Variants in CREB5 observed in about 807,000 individuals in gnomAD.
The protein encoded by CREB5 is cAMP responsive element binding protein 5.
Under a neutral mutation model 57.1 loss-of-function variants are expected in CREB5, and 19 were observed. The ratio of observed to expected loss-of-function variants is 0.33; its 90% confidence interval spans 0.23 to 0.49. The LOEUF is 0.49. CREB5 is among the 20% of genes least tolerant of loss of function. The pLI is 0.99. For missense variants in CREB5, 579 were observed against 671.6 expected (o/e 0.86, Z 1.52); for synonymous variants, 238 against 238.3 (o/e 1.00, Z 0.01).
At chr7:28,696,245 G>A (rs1801552417) in intron 5 of CREB5, among the ~76,000 whole-genome samples, 1 of 151,968 alleles carries the variant, frequency 6.6e-6, no homozygotes, top group Non-Finnish European at 1.5e-5. Flanking sequence ...TGATTGTTAA[G>A]TGCTTGGAAA....
intron 5 of CREB5, among the ~76,000 whole-genome samples, chr7:28,617,809 G>A (rs1583426442): frequency 6.6e-6 from 1 of 152,140 alleles, no homozygotes; most frequent in South Asian, 2.1e-4. Context: ...GAAATTCTAG[G>A]TTCAAGTTAA....
intron 4 of CREB5, among the ~76,000 whole-genome samples, chr7:28,532,180 A>G (rs905513718): frequency 6.6e-6 from 1 of 152,182 alleles, no homozygotes; most frequent in Non-Finnish European, 1.5e-5. Context: ...GGAGAGGTCC[A>G]CGTGGCCAGG....
intron 1 of CREB5, among the ~76,000 whole-genome samples, chr7:28,447,148 A>C (rs1789522270): frequency 6.6e-6 from 1 of 152,250 alleles, no homozygotes; most frequent in South Asian, 2.1e-4. Flanking sequence ...CAGGGCTTGC[A>C]GGGCACACCA....
chr7:28,744,505 G>A (rs1195408274), intron 7 of CREB5, among the ~76,000 whole-genome samples: 9 of 151,734 alleles, frequency 5.9e-5, no homozygotes, highest in African/African-American at 1.7e-4. Flanking sequence ...ACACCACCAC[G>A]CCCTGCTAAT....
rs1562664116 is a variant in CREB5, at chr7:28,819,284, C to T, written c.*5C>T. On this transcript the variant is annotated 3_prime_UTR_variant, in exon 11 of 11. Transcript: ENST00000357727. ...GACCTGAATCCGATTCTTTAAAATGCACCATCAGACCTGGCCTCCAAGAAG... is the reference window on the plus strand; with the variant it reads ...GACCTGAATCCGATTCTTTAAAATGTACCATCAGACCTGGCCTCCAAGAAG... The T allele has an allele frequency of 1.2e-6, 2 of 1,612,006 alleles. No homozygotes were observed. The highest frequency in any genetic ancestry group is 2.2e-5 in the East Asian group (1 of 44,874).
intron 1 of CREB5, among the ~76,000 whole-genome samples, chr7:28,447,441 G>A (rs1432655941): frequency 2.6e-5 from 4 of 152,286 alleles, no homozygotes; most frequent in African/African-American, 4.8e-5. Flanking sequence ...AGTGGGTGAC[G>A]GAATTTGGAC....
chr7:28,414,819 A>G lies in CREB5; in HGVS notation c.3+1902A>G, dbSNP rs562994304. 2.8e-4 allele frequency among the ~76,000 whole-genome samples: 43 copies of G among 152,246 alleles called. 1 individual carries two copies. The highest frequency in any genetic ancestry group is 3.4e-3 in the Middle Eastern group (1 of 294). On this transcript the variant is annotated intron_variant, in intron 1 of 10. Transcript: ENST00000357727. ...TTATAAAAAGAGAGAAGCCTTTTAG[A>G]AATTTCCAGATAGTGATAGCACTCT...
At chr7:28,323,234 G>A (rs888666201) in intron 1 of CREB5, among the ~76,000 whole-genome samples, 2 of 152,214 alleles carry the variant, frequency 1.3e-5, no homozygotes, top group Non-Finnish European at 2.9e-5. Flanking sequence ...CTTGGTTGGA[G>A]AAAAACCCAC....
chr7:28,570,384 C>A lies in CREB5; in HGVS notation c.311C>A (p.Ala104Glu). The change falls in exon 5 of 11, where the codon GCA becomes GAA. Residue 104 changes from alanine (A) to glutamate (E), a missense_variant. Transcript: ENST00000357727. ...GGGCAGAATATCTCGATGCATAATG[C>A]AGTTGGTGGGGCCATGACGGGGCCC... is the stretch of plus-strand genomic sequence containing the variant. ...SSKRNISMHN[A>E]VGGAMTGPGT... is the part of the protein sequence containing the mutation. 3 of 1,613,784 alleles carry A rather than the reference C, an allele frequency of 1.9e-6. 1 individual carries two copies. The South Asian group carries it at 3.3e-5, about 18-fold the overall frequency.
At chr7:28,661,281 G>A (rs1376888397) in intron 5 of CREB5, among the ~76,000 whole-genome samples, 1 of 152,094 alleles carries the variant, frequency 6.6e-6, no homozygotes, top group Non-Finnish European at 1.5e-5. Context: ...CCACTCTGCT[G>A]CCATAGCATT....
intron 4 of CREB5, among the ~76,000 whole-genome samples, chr7:28,556,479 A>G (rs1244451632): frequency 6.6e-6 from 1 of 151,884 alleles, no homozygotes; most frequent in African/African-American, 2.4e-5. Context: ...CCCAATCATG[A>G]TTTTTTAGGT....
chr7:28,804,093 A>T, intron 7 of CREB5, 106 bp from the exon 8 acceptor site: 3 of 995,438 alleles, frequency 3.0e-6, no homozygotes, highest in Non-Finnish European at 4.5e-6. Context: ...TAACAATAGC[A>T]TCGTAAAATA....
chr7:28,307,378 T>A (rs1056415199), intron 1 of CREB5, among the ~76,000 whole-genome samples: 2 of 152,194 alleles, frequency 1.3e-5, no homozygotes, highest in African/African-American at 4.8e-5. Context: ...TCCCAGCATG[T>A]GAGGACCCAG....
Position 28,380,705 on chromosome 7 carries a change from G to T in CREB5, c.-25+81264G>T, listed in dbSNP as rs563342559. On this transcript the variant is annotated intron_variant, in intron 1 of 9. Transcript: ENST00000396299. ...CTTAGCAAAAGAAGGCAGCCACAAT[G>T]GCCAGGTGGGCACTGAAGGAAGCTG... Among the ~76,000 whole-genome samples the T allele has an allele frequency of 3.9e-5, 6 of 152,276 alleles. No homozygotes were observed. In the South Asian group the frequency reaches 1.0e-3, roughly 26 times the overall value.
chr7:28,786,283 G>C (rs1476861685), intron 7 of CREB5, among the ~76,000 whole-genome samples: 3 of 152,204 alleles, frequency 2.0e-5, no homozygotes, highest in Admixed American at 2.0e-4. Flanking sequence ...GTCTCGCTCT[G>C]TTACCCAGGC....
In CREB5 at chr7:28,557,242, CT is replaced by C. The variant is rs1794916308; in HGVS notation, c.292-13122del. 4.6e-5 allele frequency among the ~76,000 whole-genome samples: 7 copies of C among 152,158 alleles called. 1 individual carries two copies. The highest frequency in any genetic ancestry group is 4.6e-4 in the Admixed American group (7 of 15,280). On this transcript the variant is annotated intron_variant, in intron 4 of 10. Coordinates refer to ENST00000357727, the MANE Select transcript of CREB5 (RefSeq NM_182898.4). ...CTCAGACTAAAGCATCACCTTCTTT[CT>C]GTTTGAGTGCAATTTTAACAATACT...
intron 5 of CREB5, among the ~76,000 whole-genome samples, chr7:28,602,951 A>G (rs559767130): frequency 6.6e-6 from 1 of 152,352 alleles, no homozygotes; most frequent in South Asian, 2.1e-4. Context: ...GCAAGATGTT[A>G]CCATTGGAGG....
At chr7:28,580,419 TC>T (rs1277688248) in intron 5 of CREB5, among the ~76,000 whole-genome samples, 4 of 79,234 alleles carry the variant, frequency 5.0e-5, no homozygotes, top group South Asian at 5.2e-4. Flanking sequence ...TTTGTCCCAA[TC>T]CCCCCCCACC....
chr7:28,562,938 A>G (rs964380337), intron 4 of CREB5, among the ~76,000 whole-genome samples: 2 of 152,224 alleles, frequency 1.3e-5, no homozygotes, highest in Non-Finnish European at 2.9e-5. Context: ...ACTTAGAAGC[A>G]GCAGGGCTTA....
Sources: gnomAD v4.1 joint callset for allele counts (sites outside exome capture counted in the v4.1 genomes callset) on GRCh38, gnomAD v4.1.1 for gene constraint, MANE v1.5 for transcripts, NCBI Gene and HGNC (gene_info 2026-07-23, HGNC 2026-07-21) for gene names.